Variants in CEL observed in about 807,000 individuals in gnomAD.
CEL encodes bile salt-activated lipase.
Under a neutral mutation model 57.1 loss-of-function variants are expected in CEL, and 39 were observed. The ratio of observed to expected loss-of-function variants is 0.68; its 90% CI spans 0.53 to 0.89. The LOEUF (loss-of-function observed/expected upper bound fraction) is 0.89, where lower values mean the gene tolerates loss of function less well. Among genes scored for constraint, CEL ranks in the 40% least tolerant of loss-of-function variants. CEL has a pLI of 0.00. For missense variants in CEL, 698 were observed against 915.0 expected, an observed-to-expected ratio of 0.76 and a Z score of 3.06; for synonymous variants, 314 against 396.6, an observed-to-expected ratio of 0.79 and a Z score of 2.48.
chr9:133,071,236 GAC>G lies in CEL; in HGVS notation c.1735_1736del (p.Thr579ArgfsTer8), dbSNP rs1830261154. ...TPVPPTGDSE[T>X]APVPPTGDSG... ...CCGTGCCCCCCACGGGTGACTCCGA[GAC>G]CGCCCCCGTGCCGCCCACGGGTGAC... is the stretch of plus-strand genomic sequence containing the variant. On this transcript the variant is annotated frameshift_variant, in exon 11 of 11. Transcript: ENST00000372080. LOFTEE classifies it high-confidence loss of function. 6.3e-7 allele frequency: 1 copy of G among 1,587,338 alleles called. No homozygotes were observed. Among genetic ancestry groups the G allele is most frequent in the Non-Finnish European group, 8.5e-7 (1 of 1,174,278 alleles).
Position 133,064,774 on chromosome 9 carries a change from C to T in CEL, c.340+12C>T. ...GGGCAGGAAGCAAGGTCTGCCTCCC[C>T]TCTACTCCCCAAGGGACCCTCCCAT... On this transcript the variant is annotated intron_variant, in intron 3 of 10. Transcript: ENST00000372080. 1.9e-6 allele frequency: 3 copies of T among 1,613,870 alleles called. No homozygotes were observed. The South Asian group carries it at 3.3e-5, about 18-fold the overall frequency.
In CEL at chr9:133,066,509, C is replaced by T. The variant is rs1414543017; in HGVS notation, c.539-21C>T. The T allele has an allele frequency of 6.2e-7, 1 of 1,613,820 alleles. No homozygotes were observed. The highest frequency in any genetic ancestry group is 8.5e-7 in the Non-Finnish European group (1 of 1,179,994). On this transcript the variant is annotated intron_variant, in intron 4 of 10. Transcript: ENST00000372080. This position sits in a 1 kb window ranked among gnomAD's most constrained non-coding sequence, Gnocchi z 4.3. ...CCTGGGCCACTGGTCTCTAGCACCC[C>T]CTCCCCTGCCCTGCCCCCAGGTAAC...
rs1459003605 is a variant in CEL, at chr9:133,066,560, C to G, written c.569C>G (p.Ala190Gly). The change falls in exon 5 of 11, where the codon GCC (alanine) becomes GGC (glycine). Residue 190 changes from alanine to glycine, a missense_variant. Coordinates refer to ENST00000372080, the MANE Select transcript of CEL (RefSeq NM_001807.6). This position sits in a 1 kb window ranked among gnomAD's most constrained non-coding sequence, Gnocchi z 4.3. Reference sequence around the variant, plus strand: ...TATGGCCTTCGGGATCAGCACATGGCCATTGCTTGGGTGAAGAGGAATATC... The same window carrying G: ...TATGGCCTTCGGGATCAGCACATGGGCATTGCTTGGGTGAAGAGGAATATC... ...GNYGLRDQHM[A>G]IAWVKRNIAA... 6.2e-7 allele frequency: 1 copy of G among 1,614,018 alleles called. No homozygotes were observed. Among genetic ancestry groups the G allele is most frequent in the South Asian group, 1.1e-5 (1 of 91,088 alleles).
chr9:133,070,732 C>T, intron 10 of CEL, 74 bp downstream of exon 10: 3 of 1,600,462 alleles, frequency 1.9e-6, no homozygotes, highest in African/African-American at 1.3e-5. Context: ...CTTGTTCCCT[C>T]ATTTGCCAGT....
At chr9:133,067,816 G>C (rs1234411854) in intron 7 of CEL, among the ~76,000 whole-genome samples, 2 of 152,092 alleles carry the variant, frequency 1.3e-5, no homozygotes, top group Admixed American at 6.6e-5. Flanking sequence ...CAGACCAAGA[G>C]CCTTTGTGCT....
rs1385902931 is a variant in CEL at position 133,066,260 on chromosome 9, G to A, written c.539-270G>A. Among the ~76,000 whole-genome samples, 1 of 151,516 alleles carries A rather than the reference G, an allele frequency of 6.6e-6. No individual in the cohort carries two copies. The highest frequency in any genetic ancestry group is 1.5e-5 in the Non-Finnish European group (1 of 67,846). Reference sequence around the variant, plus strand: ...AGCACCACACCAACCCAACCTCCTGGGGACCCACCCCATACAGCACCGCAC... The same window carrying A: ...AGCACCACACCAACCCAACCTCCTGAGGACCCACCCCATACAGCACCGCAC... On this transcript the variant is annotated intron_variant, in intron 4 of 10. Coordinates refer to ENST00000372080, the MANE Select transcript of CEL (RefSeq NM_001807.6). This position sits in a 1 kb window ranked among gnomAD's most constrained non-coding sequence, Gnocchi z 4.3.
Sources: allele counts gnomAD v4.1 joint callset (sites outside exome capture counted in the v4.1 genomes callset), GRCh38; gene constraint gnomAD v4.1.1; non-coding constraint Gnocchi (gnomAD v3.1); transcripts MANE v1.5; gene names NCBI Gene and HGNC (gene_info 2026-07-23, HGNC 2026-07-21).